The following MROH2A variants were observed in gnomAD, a reference collection of about 807,000 sequenced individuals.
MROH2A encodes the protein maestro heat-like repeat-containing protein family member 2A.
A neutral mutation model predicts 200.4 loss-of-function variants in MROH2A; 174 were observed. The observed-to-expected ratio is 0.87, with a 90% CI of 0.77 to 0.98. The LOEUF is 0.98. MROH2A is among the 50% of genes least tolerant of loss of function. The pLI is 0.00. For synonymous variants in MROH2A, 829 were observed against 840.4 expected (o/e 0.99, Z 0.23); for missense variants, 2,045 against 2,139.6 (o/e 0.96, Z 0.87).
chr2:233,823,149 A>G (rs1704065091), intron 34 of MROH2A, 131 bp downstream of exon 34: 3 of 939,244 alleles, frequency 3.2e-6, no homozygotes, highest in African/African-American at 3.3e-5. Flanking sequence ...TGCCACGCCA[A>G]CCTGTGACTC....
At chr2:233,816,125 A>G (rs537917356) in intron 26 of MROH2A, among the ~76,000 whole-genome samples, 1 of 152,262 alleles carries the variant, frequency 6.6e-6, no homozygotes, top group South Asian at 2.1e-4. Flanking sequence ...ATCTTGGTAA[A>G]TATTTCATGT....
intron 5 of MROH2A, among the ~76,000 whole-genome samples, chr2:233,791,256 G>T (rs902287812): frequency 6.6e-6 from 1 of 152,162 alleles, no homozygotes; most frequent in African/African-American, 2.4e-5. Context: ...CTGCTGCCTG[G>T]ATGGAGAGTA....
intron 33 of MROH2A, 147 bp from the exon 34 acceptor site, chr2:233,822,734 C>T (rs1014178813): frequency 3.0e-5 from 36 of 1,180,338 alleles, no homozygotes; most frequent in Non-Finnish European, 3.7e-5. Flanking sequence ...TCAGAGCTTG[C>T]AGATCCACTC....
At chr2:233,791,387 C>G (rs1701752060) in intron 5 of MROH2A, among the ~76,000 whole-genome samples, 1 of 152,112 alleles carries the variant, frequency 6.6e-6, no homozygotes, top group Non-Finnish European at 1.5e-5. Context: ...AGGTAGCAAG[C>G]CACTGGGAGC....
At position 233,789,897 on chromosome 2, in the gene MROH2A, G is replaced by C; in HGVS notation, c.454G>C (p.Ala152Pro). The change falls in exon 5 of 42, where the codon GCT (alanine) becomes CCT (proline). Residue 152 changes from alanine to proline, a missense_variant. Coordinates refer to ENST00000389758, the MANE Select transcript of MROH2A (RefSeq NM_001394639.1). ...AGAGGTGGCCAGCGACACACTGGTG[G>C]CTCTGTCCCGAAACCACTTCAGCTT... is the stretch of plus-strand genomic sequence containing the variant. ...KAEVASDTLV[A>P]LSRNHFSLVM... 1.9e-6 allele frequency: 3 copies of C among 1,550,426 alleles called. No individual in the cohort carries two copies. The highest frequency in any genetic ancestry group is 2.6e-6 in the Non-Finnish European group (3 of 1,146,894).
intron 25 of MROH2A, among the ~76,000 whole-genome samples, chr2:233,814,245 G>C (rs1399443486): frequency 6.6e-6 from 1 of 152,192 alleles, no homozygotes; most frequent in Admixed American, 6.5e-5. Flanking sequence ...AGGAGTCCTG[G>C]GAAATGTAGT....
At chr2:233,788,447 A>C (rs1165856431) in intron 3 of MROH2A, among the ~76,000 whole-genome samples, 2 of 151,812 alleles carry the variant, frequency 1.3e-5, no homozygotes, top group Admixed American at 1.3e-4. Flanking sequence ...GGAAACCAAG[A>C]CCAAGACTCC....
At position 233,783,696 on chromosome 2, in the gene MROH2A, C is replaced by A. The variant is rs1176574197; in HGVS notation, c.276+3844C>A. Among the ~76,000 whole-genome samples, 4 of 152,126 alleles carry A rather than the reference C, an allele frequency of 2.6e-5. 1 individual carries two copies. The South Asian group carries it at 8.3e-4, about 32-fold the overall frequency. Reference sequence around the variant, plus strand: ...AAGTAGCTGGGATTACAGGCACGCACCACCATGCCCGGCTAATTTTTGTAT... The same window carrying A: ...AAGTAGCTGGGATTACAGGCACGCAACACCATGCCCGGCTAATTTTTGTAT... On this transcript the variant is annotated intron_variant, in intron 3 of 41. Coordinates refer to ENST00000389758, the MANE Select transcript of MROH2A (RefSeq NM_001394639.1).
At chr2:233,778,758 G>A (rs1383882460) in intron 1 of MROH2A, among the ~76,000 whole-genome samples, 2 of 152,134 alleles carry the variant, frequency 1.3e-5, no homozygotes, top group Non-Finnish European at 2.9e-5. Context: ...TAGAAGAGAG[G>A]GCGAGAGGGC....
intron 5 of MROH2A, 140 bp downstream of exon 5, chr2:233,790,154 TTG>T: frequency 1.2e-6 from 1 of 835,854 alleles, no homozygotes; most frequent in South Asian, 2.2e-5. Flanking sequence ...TTGATTCATT[TTG>T]TGTCTGCAGT....
In MROH2A at chr2:233,829,537, A is replaced by T. The variant is rs1478500544; in HGVS notation, c.4447-83A>T. On this transcript the variant is annotated intron_variant, in intron 37 of 41. Coordinates refer to ENST00000389758, the MANE Select transcript of MROH2A (RefSeq NM_001394639.1). ...CAGAAGGCTCTGCAGGGACCAAGGC[A>T]TTGGGTATTCCTTGGAGAATGGCTG... 4.6e-6 allele frequency: 6 copies of T among 1,298,476 alleles called. No homozygotes were observed. In the East Asian group the frequency reaches 1.5e-4, roughly 33 times the overall value. The allele number at this position is 1,298,476 out of a possible 1,614,324, so 80.4% of individuals were successfully genotyped here.
chr2:233,791,347 G>A (rs975012197), intron 5 of MROH2A, among the ~76,000 whole-genome samples: 8 of 152,142 alleles, frequency 5.3e-5, no homozygotes, highest in Non-Finnish European at 8.8e-5. Context: ...GCTCTGAGAC[G>A]GGACCTGCTG....
chr2:233,828,861 C>G lies in MROH2A; in HGVS notation c.4264-29C>G. 1 of 1,550,042 alleles carries G rather than the reference C, an allele frequency of 6.5e-7. No homozygotes were observed. The highest frequency in any genetic ancestry group is 8.7e-7 in the Non-Finnish European group (1 of 1,146,772). On this transcript the variant is annotated intron_variant, in intron 36 of 41. Transcript: ENST00000389758. This position sits in a 1 kb window ranked among gnomAD's most constrained non-coding sequence, Gnocchi z 4.6. Reference sequence around the variant, plus strand: ...CCTGGTCAGCCTGGGAGGGAGGGTGCAGGCTGAGGGCTGCCCATGCCCCTC... The same window carrying G: ...CCTGGTCAGCCTGGGAGGGAGGGTGGAGGCTGAGGGCTGCCCATGCCCCTC...
chr2:233,832,260 C>T lies in MROH2A; in HGVS notation c.4818C>T (p.Ile1606=), dbSNP rs753637357. The T allele has an allele frequency of 5.8e-6, 9 of 1,550,690 alleles. No individual in the cohort carries two copies. The highest frequency in any genetic ancestry group is 3.9e-5 in the Admixed American group (2 of 50,994). The change falls in exon 40 of 42, where the codon ATC becomes ATT. Residue 1606 remains isoleucine (I), a synonymous_variant. Transcript: ENST00000389758. ...YVKNNLSRIR[I]AACNLAGIIM... ...AAAATAACTTGTCAAGAATCAGAAT[C>T]GCTGCTTGCAACTTGGCAGGTGAGC...
intron 24 of MROH2A, among the ~76,000 whole-genome samples, chr2:233,813,299 G>A (rs1703294942): frequency 6.6e-6 from 1 of 152,200 alleles, no homozygotes. Flanking sequence ...TGCTGGTGAT[G>A]GTGGTCCAAG....
rs972554886 is a variant in MROH2A at position 233,820,180 on chromosome 2, C to T, written c.3512+124C>T. ...TACCCTGCCCCACCCTGAAGGAGGT[C>T]GAAGCCCTCTTCCTGTACCTCCTGC... On this transcript the variant is annotated intron_variant, in intron 31 of 41. Coordinates refer to ENST00000389758, the MANE Select transcript of MROH2A (RefSeq NM_001394639.1). This position sits in a 1 kb window ranked among gnomAD's most constrained non-coding sequence, Gnocchi z 4.1. 1.6e-5 allele frequency: 13 copies of T among 824,476 alleles called. No individual in the cohort carries two copies. Among genetic ancestry groups the T allele is most frequent in the Admixed American group, 7.3e-5 (2 of 27,496 alleles). The allele number at this position is 824,476 out of a possible 1,614,324, so 51.1% of individuals were successfully genotyped here.
At chr2:233,795,425 G>A (rs36003567) in intron 8 of MROH2A, among the ~76,000 whole-genome samples, 18 of 152,198 alleles carry the variant, frequency 1.2e-4, no homozygotes, top group Non-Finnish European at 1.5e-4. Flanking sequence ...CAGGGGCCTA[G>A]CGCAGCACTT....
At chr2:233,795,091 C>G (rs948954390) in intron 8 of MROH2A, among the ~76,000 whole-genome samples, 1 of 152,204 alleles carries the variant, frequency 6.6e-6, no homozygotes, top group Admixed American at 6.5e-5. Flanking sequence ...TGAACTAATT[C>G]CATCACAAAG....
chr2:233,828,786 TGCCTG>T lies in MROH2A; in HGVS notation c.4263+11_4263+15del, dbSNP rs1166164189. 2 of 1,549,644 alleles carry T rather than the reference TGCCTG, an allele frequency of 1.3e-6. No individual in the cohort carries two copies. The highest frequency in any genetic ancestry group is 1.7e-6 in the Non-Finnish European group (2 of 1,146,502). On this transcript the variant is annotated splice_region_variant and intron_variant, in intron 36 of 41. Coordinates refer to ENST00000389758, the MANE Select transcript of MROH2A (RefSeq NM_001394639.1). This position sits in a 1 kb window ranked among gnomAD's most constrained non-coding sequence, Gnocchi z 4.6. ...CCTGGGCGCCCCCAAGAAGGTACTG[TGCCTG>T]GCCCTGGGCCCAGGTCCCGGGAGCT...
Sources: gnomAD v4.1 joint callset for allele counts (sites outside exome capture counted in the v4.1 genomes callset) on GRCh38, gnomAD v4.1.1 for gene constraint, Gnocchi (gnomAD v3.1) non-coding constraint, MANE v1.5 for transcripts, NCBI Gene and HGNC (gene_info 2026-07-23, HGNC 2026-07-21) for gene names.